The following GPC6 variants were observed in gnomAD, a reference collection of about 807,000 sequenced individuals.
GPC6 encodes the protein glypican-6.
GPC6 carries 14 observed loss-of-function variants against 55.2 expected under a neutral mutation model. That is an observed-to-expected ratio of 0.25 (90% CI 0.17 to 0.40). The LOEUF is 0.40. GPC6 is among the 10% of genes least tolerant of loss of function. The pLI, the probability that GPC6 is intolerant of heterozygous loss-of-function variation, is 1.00. For missense variants in GPC6, 641 were observed against 708.5 expected (o/e 0.90, Z 1.08); for synonymous variants, 278 against 259.6 (o/e 1.07, Z -0.68).
At chr13:93,809,932 G>C (rs1351275836) in intron 2 of GPC6, among the ~76,000 whole-genome samples, 1 of 152,056 alleles carries the variant, frequency 6.6e-6, no homozygotes, top group African/African-American at 2.4e-5. Flanking sequence ...TACATTCCTT[G>C]CTCTTCCTTG....
chr13:94,082,628 A>C (rs944167962), intron 4 of GPC6, among the ~76,000 whole-genome samples: 1 of 152,198 alleles, frequency 6.6e-6, no homozygotes, highest in African/African-American at 2.4e-5. Context: ...AGTGGCCCTC[A>C]GTCAGCTCTC....
intron 3 of GPC6, among the ~76,000 whole-genome samples, chr13:93,851,084 T>C (rs768740801): frequency 1.1e-4 from 17 of 151,974 alleles, no homozygotes; most frequent in Non-Finnish European, 2.2e-4. Context: ...ATTCTAATTT[T>C]GGTGTAACAC....
rs1251890779 is a variant in GPC6, at chr13:94,406,842, A to G, written c.*3625A>G. ...AAATGATTTGATTAAACCTAGACGC[A>G]TTAGGAAATGCAAGTTTTACCTAAA... On this transcript the variant is annotated 3_prime_UTR_variant, in exon 9 of 9. Transcript: ENST00000377047. 1 of 152,136 alleles carries G rather than the reference A, an allele frequency of 6.6e-6. No individual in the cohort carries two copies. Among genetic ancestry groups the G allele is most frequent in the East Asian group, 1.9e-4 (1 of 5,198 alleles). 9.4% of individuals were successfully genotyped at this position (152,136 alleles called of 1,614,324 possible).
At chr13:94,163,022 A>C (rs1016422025) in intron 4 of GPC6, among the ~76,000 whole-genome samples, 2 of 152,150 alleles carry the variant, frequency 1.3e-5, no homozygotes, top group Admixed American at 6.5e-5. Context: ...TTCTGGAGTG[A>C]GAATTTTTTA....
chr13:94,375,512 T>G (rs1464037742), intron 6 of GPC6, among the ~76,000 whole-genome samples: 1 of 152,086 alleles, frequency 6.6e-6, no homozygotes, highest in African/African-American at 2.4e-5. Context: ...AAATTGAATC[T>G]CTGAATAGAC....
At chr13:93,831,784 A>T (rs1887506161) in intron 3 of GPC6, among the ~76,000 whole-genome samples, 2 of 151,884 alleles carry the variant, frequency 1.3e-5, no homozygotes, top group Admixed American at 6.6e-5. Context: ...AGGGCATATG[A>T]TTCTAATGTT....
intron 3 of GPC6, among the ~76,000 whole-genome samples, chr13:94,011,852 C>T (rs1882260056): frequency 6.6e-6 from 1 of 152,122 alleles, no homozygotes; most frequent in African/African-American, 2.4e-5. Context: ...ACTTTGAAAT[C>T]CATCATTCAT....
intron 1 of GPC6, among the ~76,000 whole-genome samples, chr13:93,385,849 G>C (rs902780360): frequency 3.9e-5 from 6 of 151,910 alleles, no homozygotes; most frequent in Non-Finnish European, 8.8e-5. Context: ...CAACATGGCT[G>C]AATATTGTTC....
intron 4 of GPC6, among the ~76,000 whole-genome samples, chr13:94,234,879 A>G (rs938478621): frequency 6.6e-6 from 1 of 152,184 alleles, no homozygotes; most frequent in Admixed American, 6.6e-5. Flanking sequence ...CAAATACTGC[A>G]TAATTCCACT....
intron 1 of GPC6, among the ~76,000 whole-genome samples, chr13:93,486,234 G>A (rs1879708216): frequency 6.6e-6 from 1 of 152,168 alleles, no homozygotes; most frequent in Admixed American, 6.5e-5. Context: ...ACTGAACTCA[G>A]GAGAGGATGG....
At chr13:94,321,052 T>C (rs1052127887) in intron 6 of GPC6, among the ~76,000 whole-genome samples, 1 of 152,246 alleles carries the variant, frequency 6.6e-6, no homozygotes, top group Non-Finnish European at 1.5e-5. Context: ...AGTGTTTCTA[T>C]CTTCGCCTTC....
chr13:93,442,024 AG>A (rs1268543795), intron 1 of GPC6, among the ~76,000 whole-genome samples: 1 of 152,202 alleles, frequency 6.6e-6, no homozygotes, highest in East Asian at 1.9e-4. Context: ...TAAACAGGAA[AG>A]GATGGGCATT....
chr13:93,597,452 G>C (rs1401408704), intron 2 of GPC6, among the ~76,000 whole-genome samples: 1 of 152,154 alleles, frequency 6.6e-6, no homozygotes, highest in African/African-American at 2.4e-5. Flanking sequence ...TGAGGGAGCT[G>C]TCTGACTGGA....
intron 3 of GPC6, among the ~76,000 whole-genome samples, chr13:93,939,563 T>C (rs1878619691): frequency 6.6e-6 from 1 of 152,102 alleles, no homozygotes; most frequent in South Asian, 2.1e-4. Context: ...TTTTCAATTA[T>C]TTATCTCAGT....
At chr13:93,873,364 T>C (rs1889189637) in intron 3 of GPC6, among the ~76,000 whole-genome samples, 1 of 151,998 alleles carries the variant, frequency 6.6e-6, no homozygotes, top group South Asian at 2.1e-4. Flanking sequence ...ATCTCTGTTA[T>C]AGTCAGAGAA....
chr13:93,817,004 T>A (rs1486971400), intron 2 of GPC6, among the ~76,000 whole-genome samples: 1 of 152,170 alleles, frequency 6.6e-6, no homozygotes, highest in Non-Finnish European at 1.5e-5. Flanking sequence ...TACTCACAAT[T>A]GTGTAGAATA....
chr13:94,082,390 C>T (rs1023056310), intron 4 of GPC6, among the ~76,000 whole-genome samples: 1 of 152,094 alleles, frequency 6.6e-6, no homozygotes, highest in African/African-American at 2.4e-5. Context: ...GTTTTCAATC[C>T]AAACTTATTT....
chr13:94,023,579 G>A (rs1369241700), intron 3 of GPC6, among the ~76,000 whole-genome samples: 5 of 151,916 alleles, frequency 3.3e-5, no homozygotes, highest in Admixed American at 2.0e-4. Flanking sequence ...CTTACAAAAC[G>A]AAACATACTC....
At chr13:93,926,659 C>A (rs1329191373) in intron 3 of GPC6, among the ~76,000 whole-genome samples, 3 of 152,230 alleles carry the variant, frequency 2.0e-5, no homozygotes, top group Admixed American at 2.0e-4. Flanking sequence ...GATCAGCTTT[C>A]CATAATTTTA....
Sources: allele counts gnomAD v4.1 joint callset (sites outside exome capture counted in the v4.1 genomes callset), GRCh38; gene constraint gnomAD v4.1.1; transcripts MANE v1.5; gene names NCBI Gene and HGNC (gene_info 2026-07-23, HGNC 2026-07-21).